Variants in HS6ST3 observed in about 807,000 individuals in gnomAD.
HS6ST3 encodes the protein heparan sulfate 6-O-sulfotransferase 3.
A neutral mutation model predicts 36.7 loss-of-function variants in HS6ST3; 12 were observed. The ratio of observed to expected loss-of-function variants is 0.33; its 90% CI spans 0.21 to 0.53. The LOEUF (loss-of-function observed/expected upper bound fraction) is 0.53. Among genes scored for constraint, HS6ST3 ranks in the 20% least tolerant of loss-of-function variants. HS6ST3 has a pLI of 0.95. For missense variants in HS6ST3, 584 were observed against 640.9 expected (o/e 0.91, Z 0.96); for synonymous variants, 240 against 257.5 (o/e 0.93, Z 0.65).
intron 1 of HS6ST3, among the ~76,000 whole-genome samples, chr13:96,692,968 A>T (rs1361662021): frequency 6.6e-6 from 1 of 152,184 alleles, no homozygotes; most frequent in Non-Finnish European, 1.5e-5. Flanking sequence ...TCAAAGGGCC[A>T]TTTGTAGCTA....
intron 1 of HS6ST3, among the ~76,000 whole-genome samples, chr13:96,765,823 G>T (rs984087870): frequency 6.6e-6 from 1 of 151,970 alleles, no homozygotes; most frequent in Non-Finnish European, 1.5e-5. Flanking sequence ...CTATGAAACA[G>T]GTCTCAGAAA....
intron 1 of HS6ST3, among the ~76,000 whole-genome samples, chr13:96,589,411 T>A (rs1177212715): frequency 1.3e-5 from 2 of 152,134 alleles, no homozygotes; most frequent in Non-Finnish European, 2.9e-5. Flanking sequence ...TCCAATTTAT[T>A]TGGGTTTTCT....
At chr13:96,274,724 A>G (rs886253137) in intron 1 of HS6ST3, among the ~76,000 whole-genome samples, 4 of 152,092 alleles carry the variant, frequency 2.6e-5, no homozygotes, top group Non-Finnish European at 4.4e-5. Flanking sequence ...CCATAGAATT[A>G]TATTCTAATC....
At chr13:96,611,873 A>T (rs1044157384) in intron 1 of HS6ST3, among the ~76,000 whole-genome samples, 1 of 152,176 alleles carries the variant, frequency 6.6e-6, no homozygotes, top group Non-Finnish European at 1.5e-5. Flanking sequence ...AGGGAACTGG[A>T]CAAAGTAAGC....
intron 1 of HS6ST3, among the ~76,000 whole-genome samples, chr13:96,548,457 A>G (rs1395989675): frequency 6.6e-6 from 1 of 151,928 alleles, no homozygotes; most frequent in Admixed American, 6.6e-5. Flanking sequence ...TACTATCTCA[A>G]CTTTTCCTGT....
chr13:96,426,873 A>G (rs993883541), intron 1 of HS6ST3, among the ~76,000 whole-genome samples: 5 of 152,186 alleles, frequency 3.3e-5, no homozygotes, highest in Non-Finnish European at 7.3e-5. Flanking sequence ...GATAAATATG[A>G]CTGCCTATCT....
At chr13:96,653,876 C>G (rs1392503106) in intron 1 of HS6ST3, among the ~76,000 whole-genome samples, 1 of 152,146 alleles carries the variant, frequency 6.6e-6, no homozygotes, top group East Asian at 1.9e-4. Flanking sequence ...TCTGTTGTTT[C>G]CTGACTTTTT....
chr13:96,194,550 G>A (rs1041865863), intron 1 of HS6ST3, among the ~76,000 whole-genome samples: 1 of 151,956 alleles, frequency 6.6e-6, no homozygotes, highest in African/African-American at 2.4e-5. Flanking sequence ...TACATTGTGA[G>A]GTGATTATCA....
chr13:96,459,680 A>G (rs1332827844), intron 1 of HS6ST3, among the ~76,000 whole-genome samples: 1 of 152,168 alleles, frequency 6.6e-6, no homozygotes, highest in Admixed American at 6.5e-5. Context: ...TCTTGGTACA[A>G]TTGCATACAT....
rs145069904 is a variant in HS6ST3, at chr13:96,708,186, G to A, written c.708-124304G>A. ...TTATGGGACTCTGGTTTACATGTTC[G>A]CAACTTCATAGTGTGTTTGTGGAAA... On this transcript the variant is annotated intron_variant, in intron 1 of 1. Coordinates refer to ENST00000376705, the MANE Select transcript of HS6ST3 (RefSeq NM_153456.4). Among the ~76,000 whole-genome samples the A allele has an allele frequency of 1.4e-4, 21 of 152,268 alleles. No homozygotes were observed. The East Asian group carries it at 2.5e-3, about 18-fold the overall frequency.
intron 1 of HS6ST3, among the ~76,000 whole-genome samples, chr13:96,591,225 G>A (rs1001201577): frequency 1.3e-5 from 2 of 151,748 alleles, no homozygotes; most frequent in African/African-American, 4.8e-5. Flanking sequence ...TTCTATTTCT[G>A]TGAAGAACAT....
At chr13:96,234,593 G>C (rs2054525348) in intron 1 of HS6ST3, among the ~76,000 whole-genome samples, 1 of 152,102 alleles carries the variant, frequency 6.6e-6, no homozygotes, top group Admixed American at 6.6e-5. Flanking sequence ...ACAGGCAAGA[G>C]AGAATGTGAA....
At chr13:96,776,735 G>A (rs1877395472) in intron 1 of HS6ST3, among the ~76,000 whole-genome samples, 1 of 152,122 alleles carries the variant, frequency 6.6e-6, no homozygotes, top group Non-Finnish European at 1.5e-5. Context: ...GGACCAGATG[G>A]ATTCACAGCC....
intron 1 of HS6ST3, among the ~76,000 whole-genome samples, chr13:96,258,260 T>C (rs974887500): frequency 3.9e-5 from 6 of 152,172 alleles, no homozygotes; most frequent in African/African-American, 1.4e-4. Context: ...TGACTGCTTC[T>C]AAATCCTGGA....
At chr13:96,624,824 GAATAT>G (rs2056506620) in intron 1 of HS6ST3, among the ~76,000 whole-genome samples, 2 of 152,142 alleles carry the variant, frequency 1.3e-5, no homozygotes, top group Non-Finnish European at 2.9e-5. Context: ...ACCATTGAAT[GAATAT>G]AACACAATTT....
chr13:96,419,628 G>C (rs1417397074), intron 1 of HS6ST3, among the ~76,000 whole-genome samples: 1 of 152,174 alleles, frequency 6.6e-6, no homozygotes, highest in Non-Finnish European at 1.5e-5. Context: ...ATTGTCTATA[G>C]TTCTGGAGGC....
At chr13:96,199,960 AGGAGC>A (rs1381089242) in intron 1 of HS6ST3, among the ~76,000 whole-genome samples, 2 of 152,150 alleles carry the variant, frequency 1.3e-5, no homozygotes, top group African/African-American at 2.4e-5. Context: ...GACTCTTTTC[AGGAGC>A]GGAAAAATAT....
At chr13:96,696,528 C>T (rs552884928) in intron 1 of HS6ST3, among the ~76,000 whole-genome samples, 1 of 152,310 alleles carries the variant, frequency 6.6e-6, no homozygotes, top group African/African-American at 2.4e-5. Context: ...ATGTAATACA[C>T]TGACCAACAA....
intron 1 of HS6ST3, among the ~76,000 whole-genome samples, chr13:96,716,100 A>G (rs139116865): frequency 1.3e-5 from 2 of 152,256 alleles, no homozygotes; most frequent in East Asian, 3.9e-4. Context: ...GCAGCAAATT[A>G]TAGTTTTATT....
Sources: gnomAD v4.1 joint callset for allele counts (sites outside exome capture counted in the v4.1 genomes callset) on GRCh38, gnomAD v4.1.1 for gene constraint, MANE v1.5 for transcripts, NCBI Gene and HGNC (gene_info 2026-07-23, HGNC 2026-07-21) for gene names.